Variants in SMOX observed in about 807,000 individuals in gnomAD.
The protein encoded by SMOX is flavin containing amine oxidase.
Under a neutral mutation model 51.0 loss-of-function variants are expected in SMOX, and 22 were observed. That is an observed-to-expected ratio of 0.43 (90% confidence interval 0.31 to 0.62). The LOEUF is 0.62. Ranked by LOEUF, SMOX falls within the 20% of genes least tolerant of loss-of-function variation. The pLI is 0.10. For missense variants in SMOX, 566 were observed against 777.7 expected (o/e 0.73, Z 3.24); for synonymous variants, 282 against 307.8 (o/e 0.92, Z 0.88).
At chr20:4,175,907 G>T (rs1978800148) in intron 2 of SMOX, 1 of 77,682 alleles carries the variant, frequency 1.3e-5, no homozygotes, top group Admixed American at 1.4e-4. Context: ...GGAGGGGGTG[G>T]GGGGGGGATG....
At chr20:4,162,098 C>T (rs1463716077) in intron 1 of SMOX, among the ~76,000 whole-genome samples, 1 of 152,208 alleles carries the variant, frequency 6.6e-6, no homozygotes, top group African/African-American at 2.4e-5. Context: ...GTGCCTCCTG[C>T]CCTTCCCCAG....
At chr20:4,179,232 T>A (rs1372391447) in intron 3 of SMOX, among the ~76,000 whole-genome samples, 1 of 152,230 alleles carries the variant, frequency 6.6e-6, no homozygotes, top group Non-Finnish European at 1.5e-5. Context: ...CCCAGGTTAT[T>A]GTGAGTGATT....
chr20:4,156,169 T>C (rs189272467), intron 1 of SMOX, among the ~76,000 whole-genome samples: 6 of 152,336 alleles, frequency 3.9e-5, no homozygotes, highest in East Asian at 3.9e-4. Flanking sequence ...ACAAGTCCTG[T>C]AGAAAAGAAA....
rs773106785 is a variant in SMOX, at chr20:4,182,496, G to A, written c.1017G>A (p.Arg339=). 8 of 1,606,214 alleles carry A rather than the reference G, an allele frequency of 5.0e-6. No individual in the cohort carries two copies. The South Asian group carries it at 8.9e-5, about 18-fold the overall frequency. Residue 339 remains arginine (R), a synonymous_variant, in exon 5 of 7, where the codon AGG becomes AGA. Coordinates refer to ENST00000305958, the MANE Select transcript of SMOX (RefSeq NM_175839.3). This position sits in a 1 kb window ranked among gnomAD's most constrained non-coding sequence, Gnocchi z 8.4. ...CCGTGTCGCTAGGTGTGCTAAAGAG[G>A]CAGTACACCAGTTTCTTCCGGCCAG... ...IVTVSLGVLK[R]QYTSFFRPGL...
chr20:4,173,597 T>A (rs1978593448), intron 1 of SMOX, among the ~76,000 whole-genome samples: 1 of 152,072 alleles, frequency 6.6e-6, no homozygotes, highest in South Asian at 2.1e-4. Flanking sequence ...TTCTTAAGAG[T>A]GGGATTGCTA....
At position 4,148,950 on chromosome 20, in the gene SMOX, A is replaced by T. The variant is rs1985578870; in HGVS notation, c.-54A>T. Reference sequence around the variant, plus strand: ...GAGACCGGAGCGCCGCTCGCCGCAGACTTACTTCCCCGGCTCAGCAGGGAA... The same window carrying T: ...GAGACCGGAGCGCCGCTCGCCGCAGTCTTACTTCCCCGGCTCAGCAGGGAA... On this transcript the variant is annotated 5_prime_UTR_variant, in exon 1 of 7. Transcript: ENST00000305958. 1.3e-5 allele frequency: 2 copies of T among 151,882 alleles called. No individual in the cohort carries two copies. The allele number at this position is 151,882 out of a possible 1,614,324, so 9.4% of individuals were successfully genotyped here.
intron 1 of SMOX, among the ~76,000 whole-genome samples, chr20:4,158,085 A>G (rs902243737): frequency 5.4e-5 from 8 of 148,538 alleles, no homozygotes; most frequent in Middle Eastern, 3.3e-3. Context: ...TATTTTTAGT[A>G]GAGATGGTGT....
At chr20:4,165,449 G>A (rs1444965583) in intron 1 of SMOX, among the ~76,000 whole-genome samples, 3 of 152,190 alleles carry the variant, frequency 2.0e-5, no homozygotes, top group African/African-American at 7.2e-5. Flanking sequence ...ATCCTCCCAC[G>A]TCAGCTTCCT....
rs1035780945 is a variant in SMOX, at chr20:4,170,366, T to C, written c.-26-4664T>C. Among the ~76,000 whole-genome samples, 1 of 152,084 alleles carries C rather than the reference T, an allele frequency of 6.6e-6. No homozygotes were observed. Among genetic ancestry groups the C allele is most frequent in the Non-Finnish European group, 1.5e-5 (1 of 68,026 alleles). ...GGTGCCTCCTGTTTAGTTCTGGGCA[T>C]TTCCAGGCGGGGCTTGGCAGGGTCA... On this transcript the variant is annotated intron_variant, in intron 1 of 6. Transcript: ENST00000305958. The surrounding 1 kb of genome is among the most constrained non-coding windows in gnomAD (Gnocchi z 4.6).
chr20:4,179,358 G>T (rs1248629300), intron 3 of SMOX, among the ~76,000 whole-genome samples: 2 of 152,172 alleles, frequency 1.3e-5, no homozygotes, highest in Non-Finnish European at 1.5e-5. Flanking sequence ...TGAAAGTCAA[G>T]AGAGTGCGTT....
chr20:4,162,064 C>A (rs1276129665), intron 1 of SMOX, among the ~76,000 whole-genome samples: 1 of 152,230 alleles, frequency 6.6e-6, no homozygotes, highest in Non-Finnish European at 1.5e-5. Context: ...CCTTGGGCGG[C>A]AGGTCGTGTG....
At position 4,172,510 on chromosome 20, in the gene SMOX, C is replaced by A. The variant is rs1275909151; in HGVS notation, c.-26-2520C>A. ...TGTCCTCTCGGGAGGGAGGCAGGACCTAGCATCTCTGGGGCGAGGGAGGAG... is the reference window on the plus strand; with the variant it reads ...TGTCCTCTCGGGAGGGAGGCAGGACATAGCATCTCTGGGGCGAGGGAGGAG... On this transcript the variant is annotated intron_variant, in intron 1 of 6. Coordinates refer to ENST00000305958, the MANE Select transcript of SMOX (RefSeq NM_175839.3). The surrounding 1 kb of genome is among the most constrained non-coding windows in gnomAD (Gnocchi z 7.7). Among the ~76,000 whole-genome samples, 2 of 152,062 alleles carry A rather than the reference C, an allele frequency of 1.3e-5. No individual in the cohort carries two copies. Among genetic ancestry groups the A allele is most frequent in the Non-Finnish European group, 2.9e-5 (2 of 67,988 alleles).
chr20:4,168,890 ATTTTATTTTATTTTATT>A (rs1172313132), intron 1 of SMOX, among the ~76,000 whole-genome samples: 2 of 32,954 alleles, frequency 6.1e-5, no homozygotes, highest in African/African-American at 7.1e-4. Flanking sequence ...GCTCTATTTT[ATTTTATTTTATTTTATT>A]TTATTTTATT....
rs1229084022 is a variant in SMOX at position 4,168,947 on chromosome 20, T to TTTATTTTATTTTATG, written c.-26-6079_-26-6078insTTTATTTTATGTTAT. ...TTTATTTTATTTTATTTTATTTTATTTTATGTTATTTTATTTTAGAGACAG... is the reference window on the plus strand; with the variant it reads ...TTTATTTTATTTTATTTTATTTTATTTTATTTTATTTTATGTTATGTTATTTTATTTTAGAGACAG... On this transcript the variant is annotated intron_variant, in intron 1 of 6. Coordinates refer to ENST00000305958, the MANE Select transcript of SMOX (RefSeq NM_175839.3). Among the ~76,000 whole-genome samples, 115 of 114,234 alleles carry TTTATTTTATTTTATG rather than the reference T, an allele frequency of 1.0e-3. 2 individuals are homozygous for TTTATTTTATTTTATG. The highest frequency in any genetic ancestry group is 1.5e-3 in the Non-Finnish European group (83 of 53,876). The allele number at this position is 114,234 out of a possible 152,430, so 74.9% of individuals were successfully genotyped here. A position where few individuals can be genotyped will look rare whatever the true frequency, so the allele number is the denominator to read the frequency against.
intron 1 of SMOX, among the ~76,000 whole-genome samples, chr20:4,162,785 G>A (rs1986394050): frequency 6.6e-6 from 1 of 152,234 alleles, no homozygotes; most frequent in African/African-American, 2.4e-5. Context: ...TGAGGAAACG[G>A]TCTTTCCAAG....
intron 1 of SMOX, among the ~76,000 whole-genome samples, chr20:4,155,287 C>T (rs1301342243): frequency 6.6e-6 from 1 of 152,166 alleles, no homozygotes; most frequent in African/African-American, 2.4e-5. Context: ...GTGTGCAGTG[C>T]CTGTCACCCT....
rs1234473497 is a variant in SMOX at position 4,153,156 on chromosome 20, G to T, written c.-27+4179G>T. Among the ~76,000 whole-genome samples the T allele has an allele frequency of 1.3e-5, 2 of 152,156 alleles. No individual in the cohort carries two copies. The highest frequency in any genetic ancestry group is 4.8e-5 in the African/African-American group (2 of 41,436). ...TGCCCCACTTTTTCTTCCAGGAGGGGCTCCGGACCCAGGCCAATGGGTTGG... is the reference window on the plus strand; with the variant it reads ...TGCCCCACTTTTTCTTCCAGGAGGGTCTCCGGACCCAGGCCAATGGGTTGG... On this transcript the variant is annotated intron_variant, in intron 1 of 6. Coordinates refer to ENST00000305958, the MANE Select transcript of SMOX (RefSeq NM_175839.3). The surrounding 1 kb of genome is among the most constrained non-coding windows in gnomAD (Gnocchi z 4.4).
chr20:4,156,624 C>G (rs1000094963), intron 1 of SMOX, among the ~76,000 whole-genome samples: 1 of 152,170 alleles, frequency 6.6e-6, no homozygotes, highest in African/African-American at 2.4e-5. Flanking sequence ...ATTTCTGGGC[C>G]GAGAGCCAGC....
intron 1 of SMOX, among the ~76,000 whole-genome samples, chr20:4,150,061 T>G (rs1611939): frequency 0.11 from 16,345 of 152,210 alleles, 1,372 homozygotes; most frequent in African/African-American, 0.22. Context: ...CCCCCTTTCT[T>G]CAGTTACCTC....
Sources: allele counts gnomAD v4.1 joint callset (sites outside exome capture counted in the v4.1 genomes callset), GRCh38; gene constraint gnomAD v4.1.1; non-coding constraint Gnocchi (gnomAD v3.1); transcripts MANE v1.5; gene names NCBI Gene and HGNC (gene_info 2026-07-23, HGNC 2026-07-21).